Variants in EMC3 observed in about 807,000 individuals in gnomAD.
EMC3 encodes the protein ER membrane protein complex subunit 3.
In EMC3, 13 loss-of-function variants were observed where a neutral mutation model predicts 36.6. That is an observed-to-expected ratio of 0.35 (90% confidence interval 0.23 to 0.56). The LOEUF (loss-of-function observed/expected upper bound fraction) is 0.56, where lower values mean the gene tolerates loss of function less well. Among genes scored for constraint, EMC3 ranks in the 20% least tolerant of loss-of-function variants. The pLI is 0.84. For synonymous variants in EMC3, 120 were observed against 111.9 expected (o/e 1.07, Z -0.46); for missense variants, 220 against 324.5 (o/e 0.68, Z 2.47).
intron 1 of EMC3, chr3:10,000,933 C>G: frequency 2.4e-6 from 1 of 410,362 alleles, no homozygotes; most frequent in Non-Finnish European, 5.0e-6. Flanking sequence ...TCTTGCTTTT[C>G]TCAACATCAC....
In EMC3 at chr3:9,964,062, T is replaced by C. The variant is rs1272855177; in HGVS notation, c.*7A>G. ...AGTTCCTGACACAGCTAATCCCTGC[T>C]CGGTCTTCAAAAAATAGAGGTCTGT... On this transcript the variant is annotated 3_prime_UTR_variant, in exon 8 of 8. Transcript: ENST00000245046. 1.9e-6 allele frequency: 3 copies of C among 1,613,928 alleles called. No individual in the cohort carries two copies. The highest frequency in any genetic ancestry group is 2.5e-6 in the Non-Finnish European group (3 of 1,179,954).
In EMC3 at chr3:9,963,454, G is replaced by GATATATATATATATATAT. The variant is rs1553602259; in HGVS notation, c.*597_*614dup. On this transcript the variant is annotated 3_prime_UTR_variant, in exon 8 of 8. Transcript: ENST00000245046. The stretch of plus-strand genomic sequence containing the variant: ...CGAAGACTGGGCTTCTGCTAAGATA[G>GATATATATATATATATAT]ATATATATATATATATATATATATT... The GATATATATATATATATAT allele has an allele frequency of 1.0e-5, 1 of 99,716 alleles. No homozygotes were observed. The highest frequency in any genetic ancestry group is 1.9e-5 in the Non-Finnish European group (1 of 51,734). The allele number at this position is 99,716 out of a possible 1,614,324, so 6.2% of individuals were successfully genotyped here.
intron 1 of EMC3, among the ~76,000 whole-genome samples, chr3:9,995,527 T>G (rs1017263309): frequency 6.6e-6 from 1 of 150,800 alleles, no homozygotes; most frequent in African/African-American, 2.4e-5. Flanking sequence ...ATTGTGATTT[T>G]AACGAAGTAG....
intron 7 of EMC3, among the ~76,000 whole-genome samples, chr3:9,966,766 C>T (rs1559348755): frequency 6.6e-6 from 1 of 151,814 alleles, no homozygotes; most frequent in Non-Finnish European, 1.5e-5. Flanking sequence ...GTGGAGATGG[C>T]ATTTCACCAT....
In EMC3 at chr3:9,964,312, T is replaced by A. The variant is rs2085716674; in HGVS notation, c.658-115A>T. 3 of 1,452,404 alleles carry A rather than the reference T, an allele frequency of 2.1e-6. No homozygotes were observed. In the African/African-American group the frequency reaches 4.2e-5, roughly 21 times the overall value. 90.0% of individuals were successfully genotyped at this position (1,452,404 alleles called of 1,614,324 possible). A position where few individuals can be genotyped will look rare whatever the true frequency, so the allele number is the denominator to read the frequency against. On this transcript the variant is annotated intron_variant, in intron 7 of 7. Transcript: ENST00000245046. ...AAAGCTGGAGTGAGCTATCTGCATG[T>A]ATAAGCTCATTCAATCCTACAAGGG...
chr3:9,975,045 G>A (rs1194724080), intron 3 of EMC3, among the ~76,000 whole-genome samples: 2 of 151,488 alleles, frequency 1.3e-5, no homozygotes, highest in Non-Finnish European at 2.9e-5. Context: ...ATTTTCAGTA[G>A]AGACGGGGTT....
At chr3:9,997,384 G>A (rs77382393) in intron 1 of EMC3, among the ~76,000 whole-genome samples, 1,554 of 151,960 alleles carry the variant, frequency 0.01, 30 homozygotes, top group African/African-American at 0.034. Context: ...TATTTTCAAG[G>A]TTCATGTATG....
intron 1 of EMC3, chr3:10,002,926 G>T (rs1040809779): frequency 2.2e-6 from 1 of 450,092 alleles, no homozygotes; most frequent in African/African-American, 2.0e-5. Context: ...CTGTAGCAGT[G>T]GTGGAGTCCC....
upstream of EMC3, chr3:9,987,833 T>C: frequency 1.6e-6 from 1 of 610,402 alleles, no homozygotes; most frequent in Non-Finnish European, 3.0e-6. Flanking sequence ...GAGATTGTCA[T>C]GGTTGAGAGA....
rs1240518604 is a variant in EMC3, at chr3:9,977,037, C to T, written c.227G>A (p.Arg76Gln). The T allele has an allele frequency of 3.8e-6, 6 of 1,595,064 alleles. No homozygotes were observed. Among genetic ancestry groups the T allele is most frequent in the Admixed American group, 1.8e-5 (1 of 56,290 alleles). The change falls in exon 3 of 8, where the codon CGA (arginine) becomes CAA (glutamine). Residue 76 changes from arginine (R) to glutamine (Q), a missense_variant. Transcript: ENST00000245046. ...CTCTGGGTTGTTGAAATAATATTTT[C>T]GTGTCAAGAAAGACTAGTAAAAAAA... The part of the protein sequence containing the change: ...KYIPKQSFLT[R>Q]KYYFNNPEDG...
chr3:9,977,190 C>A, intron 2 of EMC3, 140 bp from the exon 3 acceptor site: 1 of 866,220 alleles, frequency 1.2e-6, no homozygotes, highest in East Asian at 2.6e-5. Context: ...GGCAGGCGAC[C>A]TGACACTTTA....
At chr3:9,979,052 G>A (rs9814624) in intron 1 of EMC3, among the ~76,000 whole-genome samples, 2,848 of 152,148 alleles carry the variant, frequency 0.019, 100 homozygotes, top group African/African-American at 0.065. Context: ...GCATCTCCAC[G>A]AAGCTTTTCC....
At chr3:9,988,177 G>A (rs1044104199), upstream of EMC3, among the ~76,000 whole-genome samples, 4 of 152,054 alleles carry the variant, frequency 2.6e-5, no homozygotes, top group African/African-American at 9.7e-5. Context: ...TATGTATGTG[G>A]CTATGTATGT....
rs2085767158 is a variant in EMC3, at chr3:9,969,787, G to A, written c.589C>T (p.Arg197Ter). ...CCCGTCATCTGCTCCTGCATCATTC[G>A]TGATTGGTCAGCGGCTGTAGCATAA... ...LGQDNAADQS[R>*]MMQEQMTGAA... The change falls in exon 7 of 8, where the codon CGA (arginine) becomes TGA (stop). Residue 197 changes from arginine to a stop codon, truncating the protein, a stop_gained. Transcript: ENST00000245046. LOFTEE classifies it high-confidence loss of function. The A allele has an allele frequency of 6.2e-7, 1 of 1,613,394 alleles. No homozygotes were observed. Among genetic ancestry groups the A allele is most frequent in the African/African-American group, 1.3e-5 (1 of 74,876 alleles).
intron 7 of EMC3, among the ~76,000 whole-genome samples, chr3:9,965,360 G>T (rs1341361299): frequency 6.6e-6 from 1 of 152,058 alleles, no homozygotes; most frequent in African/African-American, 2.4e-5. Flanking sequence ...GTTCGAGGCT[G>T]CAGTGAGCAA....
At chr3:9,965,450 A>C (rs1057496069) in intron 7 of EMC3, among the ~76,000 whole-genome samples, 1 of 152,104 alleles carries the variant, frequency 6.6e-6, no homozygotes, top group African/African-American at 2.4e-5. Context: ...AGATAGATAG[A>C]TAGATAGATA....
chr3:9,976,319 T>A (rs1026712717), intron 3 of EMC3, among the ~76,000 whole-genome samples: 1 of 152,166 alleles, frequency 6.6e-6, no homozygotes, highest in African/African-American at 2.4e-5. Context: ...TAAACCAGGC[T>A]GGTTTGAACT....
upstream of EMC3, among the ~76,000 whole-genome samples, chr3:9,987,486 C>G (rs940089017): frequency 4.6e-5 from 7 of 152,172 alleles, no homozygotes; most frequent in African/African-American, 1.7e-4. Context: ...TCCCGATGAA[C>G]TAGTCCAGGC....
At chr3:9,972,141 TAGGTTGCTATGA>T (rs2085792020) in intron 5 of EMC3, among the ~76,000 whole-genome samples, 3 of 152,108 alleles carry the variant, frequency 2.0e-5, no homozygotes. Context: ...ACAGGTTTCA[TAGGTTGCTATGA>T]GGGTAAAATA....
Sources: allele counts gnomAD v4.1 joint callset (sites outside exome capture counted in the v4.1 genomes callset), GRCh38; gene constraint gnomAD v4.1.1; transcripts MANE v1.5; gene names NCBI Gene and HGNC (gene_info 2026-07-23, HGNC 2026-07-21).